Variants in RNF213 observed in about 807,000 individuals in gnomAD.
The protein encoded by RNF213 is ring finger protein 213.
In RNF213, 341 loss-of-function variants were observed where a neutral mutation model predicts 514.4. The ratio of observed to expected loss-of-function variants is 0.66; its 90% CI spans 0.61 to 0.73. The LOEUF is 0.73. RNF213 is among the 30% of genes least tolerant of loss of function. The probability of loss-of-function intolerance (pLI) is 0.00; values close to 1 mark genes in which losing one functional copy is unlikely to be tolerated. For synonymous variants in RNF213, 2,655 were observed against 2,658.2 expected (o/e 1.00, Z 0.04); for missense variants, 5,767 against 6,615.6 (o/e 0.87, Z 4.45).
At chr17:80,289,252 G>A (rs1001057958) in intron 5 of RNF213, among the ~76,000 whole-genome samples, 3 of 152,178 alleles carry the variant, frequency 2.0e-5, no homozygotes, top group East Asian at 1.9e-4. Flanking sequence ...GGGAAGGGTC[G>A]TGAACATTCT....
rs1375828608 is a variant in RNF213 at position 80,291,806 on chromosome 17, T to C, written c.1450T>C (p.Ser484Pro). 3.1e-6 allele frequency: 5 copies of C among 1,614,204 alleles called. No homozygotes were observed. In the South Asian group the frequency reaches 5.5e-5, roughly 18 times the overall value. Residue 484 changes from serine (S) to proline (P), a missense_variant, in exon 8 of 68, where the codon TCT becomes CCT. Physicochemically the swap from Ser to Pro is moderately conservative, Grantham distance 74 (BLOSUM62 -1). Transcript: ENST00000582970. ...EYVNRCLFIKSSLLGSGDWHQ... is the reference protein window; with the variant it reads ...EYVNRCLFIKPSLLGSGDWHQ... ...CGTCAACCGCTGTCTGTTCATAAAA[T>C]CTTCACTTCTGGGCTCAGGAGGTAA...
In RNF213 at chr17:80,386,890, A is replaced by C. The variant is rs2080258266; in HGVS notation, c.14921A>C (p.Lys4974Thr). The C allele has an allele frequency of 6.2e-7, 1 of 1,610,186 alleles. No individual in the cohort carries two copies. Among genetic ancestry groups the C allele is most frequent in the East Asian group, 2.2e-5 (1 of 44,722 alleles). Residue 4974 changes from lysine (K) to threonine (T), a missense_variant and splice_region_variant, in exon 63 of 68, where the codon AAG becomes ACG. By Grantham distance (78) the Lys-to-Thr change is moderately conservative (BLOSUM62 -1). Around this residue, in one of 13 missense-constraint regions of RNF213, gnomAD observed 1,245 missense variants for 1,339.0 expected, o/e 0.93. Transcript: ENST00000582970. ...CAGGGCAAGCCCCGGCTGAGCCTCA[A>C]GGTAGGGCTGACTCCTGCCACTGCT... is the stretch of plus-strand genomic sequence containing the variant. ...FLQGKPRLSL[K>T]GIPTLVYRHD...
In RNF213 at chr17:80,345,310, C is replaced by G; in HGVS notation, c.6975C>G (p.Asn2325Lys). The G allele has an allele frequency of 6.2e-7, 1 of 1,614,158 alleles. No homozygotes were observed. The highest frequency in any genetic ancestry group is 8.5e-7 in the Non-Finnish European group (1 of 1,180,034). Residue 2325 changes from asparagine to lysine, a missense_variant, in exon 29 of 68, where the codon AAC (asparagine) becomes AAG (lysine). By Grantham distance (94) the Asn-to-Lys change is moderately conservative (BLOSUM62 0). Coordinates refer to ENST00000582970, the MANE Select transcript of RNF213 (RefSeq NM_001256071.3). This position sits in a 1 kb window ranked among gnomAD's most constrained non-coding sequence, Gnocchi z 6.0. ...MTFIGFHLQP[N>K]INGSVDAISH... The stretch of plus-strand genomic sequence containing the variant: ...TCATCGGCTTCCATCTGCAGCCCAA[C>G]ATCAACGGCAGTGTCGATGCCATCA...
chr17:80,354,490 G>A lies in RNF213; in HGVS notation c.10776G>A (p.Lys3592=), dbSNP rs1168079526. Residue 3592 remains lysine, a synonymous_variant, in exon 36 of 68, where the codon AAG becomes AAA. Coordinates refer to ENST00000582970, the MANE Select transcript of RNF213 (RefSeq NM_001256071.3). The stretch of plus-strand genomic sequence containing the variant: ...TGCGCCTCAGTGTCTTTTTAAAGAA[G>A]CAAGAAGAGAGCCAGTTTCACCCTC... ...SKMRLSVFLK[K]QEESQFHPLE... 1.9e-6 allele frequency: 3 copies of A among 1,614,086 alleles called. No homozygotes were observed. Among genetic ancestry groups the A allele is most frequent in the South Asian group, 1.1e-5 (1 of 91,094 alleles).
chr17:80,369,194 T>C (rs900058398), intron 44 of RNF213, among the ~76,000 whole-genome samples: 9 of 151,954 alleles, frequency 5.9e-5, no homozygotes, highest in African/African-American at 2.2e-4. Context: ...AGGTCAGCAG[T>C]TCGAAACCAG....
In RNF213 at chr17:80,264,395, C is replaced by A. The variant is rs548129890; in HGVS notation, c.97+617C>A. 9.9e-5 allele frequency among the ~76,000 whole-genome samples: 15 copies of A among 152,226 alleles called. No homozygotes were observed. The South Asian group carries it at 3.1e-3, about 32-fold the overall frequency. ...TGGAGAGACAGGAGCGGGGCAGTGTCAGGCGGGCCTTGCCTGCTGAGCATC... is the reference window on the plus strand; with the variant it reads ...TGGAGAGACAGGAGCGGGGCAGTGTAAGGCGGGCCTTGCCTGCTGAGCATC... On this transcript the variant is annotated intron_variant, in intron 2 of 67. Coordinates refer to ENST00000582970, the MANE Select transcript of RNF213 (RefSeq NM_001256071.3). The surrounding 1 kb of genome is among the most constrained non-coding windows in gnomAD (Gnocchi z 5.0).
chr17:80,386,649 T>C, intron 62 of RNF213, 41 bp from the exon 63 acceptor site: 1 of 1,596,820 alleles, frequency 6.3e-7, no homozygotes, highest in South Asian at 1.1e-5. Context: ...TAGGCCCGCA[T>C]GCCTGGCCTG....
At position 80,288,839 on chromosome 17, in the gene RNF213, A is replaced by G. The variant is rs925096371; in HGVS notation, c.933+84A>G. Reference sequence around the variant, plus strand: ...TCTTTCATTTAATTATTCAGCAAATATTTAAGTGCTGGGGATATAGCCATG... The same window carrying G: ...TCTTTCATTTAATTATTCAGCAAATGTTTAAGTGCTGGGGATATAGCCATG... On this transcript the variant is annotated intron_variant, in intron 5 of 67. Coordinates refer to ENST00000582970, the MANE Select transcript of RNF213 (RefSeq NM_001256071.3). This position sits in a 1 kb window ranked among gnomAD's most constrained non-coding sequence, Gnocchi z 4.9. 6.2e-6 allele frequency: 10 copies of G among 1,604,316 alleles called. No homozygotes were observed. The highest frequency in any genetic ancestry group is 5.4e-5 in the African/African-American group (4 of 74,662).
At chr17:80,354,613 C>G (rs770229538) in intron 36 of RNF213, 37 bp downstream of exon 36, 5 of 1,613,094 alleles carry the variant, frequency 3.1e-6, no homozygotes, top group African/African-American at 1.3e-5. Context: ...TGGCTCCAAT[C>G]TGGTGGCAGC....
chr17:80,345,379 G>A lies in RNF213; in HGVS notation c.7044G>A (p.Arg2348=), dbSNP rs751789995. 16 of 1,613,902 alleles carry A rather than the reference G, an allele frequency of 9.9e-6. No individual in the cohort carries two copies. The highest frequency in any genetic ancestry group is 5.3e-5 in the African/African-American group (4 of 74,860). The change falls in exon 29 of 68, where the codon AGG becomes AGA. Residue 2348 remains arginine, a synonymous_variant. Coordinates refer to ENST00000582970, the MANE Select transcript of RNF213 (RefSeq NM_001256071.3). This position sits in a 1 kb window ranked among gnomAD's most constrained non-coding sequence, Gnocchi z 6.0. ...TCATCAAGAGAGACGTCATGACCAG[G>A]GACCTGTACCAGGGCCTGCTGCTCC... ...GKVIKRDVMT[R]DLYQGLLLQR...
intron 45 of RNF213, 47 bp downstream of exon 45, chr17:80,369,718 C>T (rs1490461457): frequency 2.5e-6 from 4 of 1,613,482 alleles, no homozygotes; most frequent in South Asian, 1.1e-5. Context: ...TTCTTCATCT[C>T]GCTTCTGCAT....
At chr17:80,375,353 G>C (rs1159089140) in intron 50 of RNF213, among the ~76,000 whole-genome samples, 6 of 152,182 alleles carry the variant, frequency 3.9e-5, no homozygotes, top group Non-Finnish European at 8.8e-5. Flanking sequence ...GAGGGCTGAG[G>C]CATGTGAAAA....
intron 2 of RNF213, among the ~76,000 whole-genome samples, chr17:80,272,556 G>A (rs773810979): frequency 2.0e-5 from 3 of 152,284 alleles, no homozygotes; most frequent in East Asian, 1.9e-4. Context: ...GACCGCAAAC[G>A]GCACCAAGCC....
intron 60 of RNF213, 54 bp downstream of exon 60, chr17:80,385,225 G>A (rs923881642): frequency 2.7e-5 from 43 of 1,608,932 alleles, no homozygotes; most frequent in Non-Finnish European, 3.7e-5. Context: ...CGGTTCGAAA[G>A]GATCACTGCA....
At chr17:80,261,545 C>A (rs1189759549) in intron 1 of RNF213, among the ~76,000 whole-genome samples, 5 of 152,192 alleles carry the variant, frequency 3.3e-5, no homozygotes, top group African/African-American at 1.2e-4. Context: ...GGTGGCCCTT[C>A]CCTGCCCCCA....
intron 2 of RNF213, among the ~76,000 whole-genome samples, chr17:80,265,314 T>C (rs1354342596): frequency 5.3e-5 from 8 of 152,328 alleles, no homozygotes; most frequent in Admixed American, 4.6e-4. Flanking sequence ...CACAAAGTGC[T>C]GGGATTATAG....
intron 3 of RNF213, among the ~76,000 whole-genome samples, chr17:80,283,259 C>T (rs2143120482): frequency 6.6e-6 from 1 of 152,222 alleles, no homozygotes; most frequent in East Asian, 1.9e-4. Flanking sequence ...GTCCCTAACT[C>T]AGGGCCAGGT....
intron 55 of RNF213, among the ~76,000 whole-genome samples, chr17:80,380,326 C>G (rs2079939623): frequency 6.6e-6 from 1 of 152,162 alleles, no homozygotes; most frequent in Non-Finnish European, 1.5e-5. Context: ...AAAATACTTT[C>G]ATGTTATCTC....
rs1465593692 is a variant in RNF213 at position 80,315,286 on chromosome 17, T to TCGTGGA, written c.2812-1902_2812-1901insCGTGGA. ...GTGGAGGTAATGGAGGTGATGGTGGTGGTGGTGGTGGAGGTAATGGAGGTG... is the reference window on the plus strand; with the variant it reads ...GTGGAGGTAATGGAGGTGATGGTGGTCGTGGAGGTGGTGGTGGAGGTAATGGAGGTG... On this transcript the variant is annotated intron_variant, in intron 15 of 67. Coordinates refer to ENST00000582970, the MANE Select transcript of RNF213 (RefSeq NM_001256071.3). 1.4e-4 allele frequency among the ~76,000 whole-genome samples: 7 copies of TCGTGGA among 50,516 alleles called. 1 individual carries two copies. The highest frequency in any genetic ancestry group is 8.2e-4 in the African/African-American group (5 of 6,118). 33.1% of individuals were successfully genotyped at this position (50,516 alleles called of 152,430 possible).
Sources: allele counts gnomAD v4.1 joint callset (sites outside exome capture counted in the v4.1 genomes callset), GRCh38; gene constraint gnomAD v4.1.1; regional missense constraint gnomAD v4.1.1; non-coding constraint Gnocchi (gnomAD v3.1); transcripts MANE v1.5; gene names NCBI Gene and HGNC (gene_info 2026-07-23, HGNC 2026-07-21).